The following LSM3 variants were observed in gnomAD, a reference collection of about 807,000 sequenced individuals.
LSM3 encodes U6 snRNA-associated Sm-like protein LSm3.
Under a neutral mutation model 15.4 loss-of-function variants are expected in LSM3, and 14 were observed. The observed-to-expected ratio is 0.91, with a 90% CI of 0.60 to 1.42. LSM3 has a LOEUF of 1.42. LSM3 is among the 40% of genes most tolerant of loss of function. The pLI is 0.00. For missense variants in LSM3, 88 were observed against 127.9 expected, an observed-to-expected ratio of 0.69 and a Z score of 1.50; for synonymous variants, 46 against 45.1, an observed-to-expected ratio of 1.02 and a Z score of -0.08.
intron 3 of LSM3, among the ~76,000 whole-genome samples, chr3:14,194,352 G>A (rs1354298566): frequency 6.6e-6 from 1 of 152,232 alleles, no homozygotes; most frequent in Non-Finnish European, 1.5e-5. Context: ...ATAAGCCCCT[G>A]ACTGGGGCTG....
At position 14,200,127 on chromosome 3, in the gene LSM3, A is replaced by G. The variant is rs1351051779; in HGVS notation, c.*2011A>G. ...GGACTTGATTATACACATTTCTAAA[A>G]CCCATGAACCTTAATATCTGACACT... is the stretch of plus-strand genomic sequence containing the variant. On this transcript the variant is annotated 3_prime_UTR_variant, in exon 4 of 4. Coordinates refer to ENST00000306024, the MANE Select transcript of LSM3 (RefSeq NM_014463.3). The G allele has an allele frequency of 1.3e-5, 2 of 152,176 alleles. No homozygotes were observed. The highest frequency in any genetic ancestry group is 1.9e-4 in the East Asian group (1 of 5,204). The allele number at this position is 152,176 out of a possible 1,614,324, so 9.4% of individuals were successfully genotyped here. A position where few individuals can be genotyped will look rare whatever the true frequency, so the allele number is the denominator to read the frequency against.
intron 3 of LSM3, among the ~76,000 whole-genome samples, chr3:14,184,816 G>A (rs1697072764): frequency 6.6e-6 from 1 of 152,100 alleles, no homozygotes; most frequent in Admixed American, 6.5e-5. Context: ...AGCACTTTGG[G>A]AGGCTGAGGC....
intron 1 of LSM3, among the ~76,000 whole-genome samples, chr3:14,180,440 C>T (rs1400435356): frequency 2.6e-5 from 4 of 151,962 alleles, no homozygotes; most frequent in East Asian, 3.9e-4. Context: ...AGGTGCGTGC[C>T]GCCACACCTG....
chr3:14,183,881 T>C, intron 2 of LSM3, 56 bp from the exon 3 acceptor site: 1 of 1,360,652 alleles, frequency 7.3e-7, no homozygotes, highest in Non-Finnish European at 1.0e-6. Flanking sequence ...GTTAAGCCTT[T>C]ATCATTTTTG....
chr3:14,183,214 T>G (rs1697056248), intron 2 of LSM3, among the ~76,000 whole-genome samples: 1 of 152,172 alleles, frequency 6.6e-6, no homozygotes, highest in African/African-American at 2.4e-5. Context: ...GGCTGACAAG[T>G]GACTTTTATT....
In LSM3 at chr3:14,182,279, C is replaced by G. The variant is rs1050187141; in HGVS notation, c.132+609C>G. On this transcript the variant is annotated intron_variant, in intron 2 of 3. Transcript: ENST00000306024. ...ATATATGTACATGTGCACATACTTG[C>G]ATTATGTACACCCTACCTCTACAAA... Among the ~76,000 whole-genome samples, 4 of 151,676 alleles carry G rather than the reference C, an allele frequency of 2.6e-5. No individual in the cohort carries two copies. The South Asian group carries it at 8.3e-4, about 32-fold the overall frequency.
In LSM3 at chr3:14,181,595, T is replaced by C. The variant is rs1310211796; in HGVS notation, c.57T>C (p.Asp19=). The C allele has an allele frequency of 6.2e-7, 1 of 1,613,830 alleles. No homozygotes were observed. Among genetic ancestry groups the C allele is most frequent in the African/African-American group, 1.3e-5 (1 of 74,932 alleles). ...QTTNTVEEPL[D]LIRLSLDERI... ...CCAACACTGTAGAGGAGCCCCTGGA[T>C]CTTATCAGGCTCAGCCTAGATGAGC... Residue 19 remains aspartate, a synonymous_variant, in exon 2 of 4, where the codon GAT becomes GAC. Transcript: ENST00000306024.
At chr3:14,186,213 T>C (rs1365476869) in intron 3 of LSM3, among the ~76,000 whole-genome samples, 1 of 152,242 alleles carries the variant, frequency 6.6e-6, no homozygotes, top group Non-Finnish European at 1.5e-5. Context: ...TCTTTAAGAT[T>C]TGGAAAGACA....
At chr3:14,195,206 A>G (rs1257482713) in intron 3 of LSM3, among the ~76,000 whole-genome samples, 1 of 152,160 alleles carries the variant, frequency 6.6e-6, no homozygotes, top group Non-Finnish European at 1.5e-5. Context: ...AACAAAAAGG[A>G]GTAGAGGAGT....
chr3:14,180,820 C>CTTTTTTTTT lies in LSM3; in HGVS notation c.22-740_22-739insTTTTTTTTT, dbSNP rs1436714313. Among the ~76,000 whole-genome samples the CTTTTTTTTT allele has an allele frequency of 1.2e-4, 6 of 51,398 alleles. 1 individual carries two copies. The highest frequency in any genetic ancestry group is 3.1e-4 in the African/African-American group (4 of 13,078). 33.7% of individuals were successfully genotyped at this position (51,398 alleles called of 152,430 possible). On this transcript the variant is annotated intron_variant, in intron 1 of 3. Transcript: ENST00000306024. ...TGACTCCAAAGCCAGTGCTTGCTTG[C>CTTTTTTTTT]CTTTTTTTTTTTTTTTTTTTTTTTT...
intron 3 of LSM3, among the ~76,000 whole-genome samples, chr3:14,190,990 G>A (rs558702424): frequency 1.3e-5 from 2 of 151,920 alleles, no homozygotes; most frequent in African/African-American, 2.4e-5. Context: ...AGAGTTTTTA[G>A]CATGAAGGGG....
chr3:14,181,786 A>G (rs1697041474), intron 2 of LSM3, 116 bp downstream of exon 2: 1 of 718,884 alleles, frequency 1.4e-6, no homozygotes, highest in South Asian at 1.7e-5. Flanking sequence ...GGTGGTGGAA[A>G]GTCACCCATA....
rs1366443651 is a variant in LSM3 at position 14,199,427 on chromosome 3, C to G, written c.*1311C>G. On this transcript the variant is annotated 3_prime_UTR_variant, in exon 4 of 4. Coordinates refer to ENST00000306024, the MANE Select transcript of LSM3 (RefSeq NM_014463.3). ...TGTGGATGGTTTGTCTGTAAATGAG[C>G]TGAATGTGTGTGCGTGTTCATTATC... 6.6e-6 allele frequency: 1 copy of G among 152,206 alleles called. No individual in the cohort carries two copies. The highest frequency in any genetic ancestry group is 1.9e-4 in the East Asian group (1 of 5,200). The allele number at this position is 152,206 out of a possible 1,614,324, so 9.4% of individuals were successfully genotyped here. A position where few individuals can be genotyped will look rare whatever the true frequency, so the allele number is the denominator to read the frequency against.
intron 3 of LSM3, among the ~76,000 whole-genome samples, chr3:14,196,190 C>T (rs908543998): frequency 6.6e-6 from 1 of 151,998 alleles, no homozygotes; most frequent in African/African-American, 2.4e-5. Flanking sequence ...ATCTCCTGAC[C>T]TCATGATCCA....
intron 3 of LSM3, among the ~76,000 whole-genome samples, chr3:14,193,788 CAG>C (rs1574990427): frequency 6.6e-6 from 1 of 152,268 alleles, no homozygotes. Flanking sequence ...TTCAGTTCAT[CAG>C]ACTCATTCTC....
At chr3:14,183,349 C>T (rs1697057741) in intron 2 of LSM3, among the ~76,000 whole-genome samples, 1 of 152,170 alleles carries the variant, frequency 6.6e-6, no homozygotes, top group Non-Finnish European at 1.5e-5. Context: ...AATATCTTAG[C>T]TGTAACATTT....
chr3:14,186,147 A>T (rs1334577375), intron 3 of LSM3, among the ~76,000 whole-genome samples: 1 of 152,184 alleles, frequency 6.6e-6, no homozygotes, highest in Non-Finnish European at 1.5e-5. Context: ...CTGGCCTCCC[A>T]AAGTGCTGGA....
intron 3 of LSM3, among the ~76,000 whole-genome samples, chr3:14,190,160 T>A (rs1485999972): frequency 1.3e-5 from 2 of 152,198 alleles, no homozygotes; most frequent in Non-Finnish European, 2.9e-5. Flanking sequence ...GGTCTATATA[T>A]CTGTTTTGGT....
Position 14,198,060 on chromosome 3 carries a change from C to G in LSM3, c.253C>G (p.Leu85Val). The change falls in exon 4 of 4, where the codon CTC becomes GTC. Residue 85 changes from leucine to valine, a missense_variant. Leu to Val is a conservative substitution (Grantham distance 32). Transcript: ENST00000306024. ...GTCAACGAAACGGAATATTCCAATGCTCTTTGTCCGGGGAGATGGCGTTGT... is the reference window on the plus strand; with the variant it reads ...GTCAACGAAACGGAATATTCCAATGGTCTTTGTCCGGGGAGATGGCGTTGT... ...YKSTKRNIPMLFVRGDGVVLV... is the reference protein window; with the variant it reads ...YKSTKRNIPMVFVRGDGVVLV... The G allele has an allele frequency of 6.2e-7, 1 of 1,613,692 alleles. No individual in the cohort carries two copies. The highest frequency in any genetic ancestry group is 8.5e-7 in the Non-Finnish European group (1 of 1,179,760).
Sources: gnomAD v4.1 joint callset for allele counts (sites outside exome capture counted in the v4.1 genomes callset) on GRCh38, gnomAD v4.1.1 for gene constraint, MANE v1.5 for transcripts, NCBI Gene and HGNC (gene_info 2026-07-23, HGNC 2026-07-21) for gene names.